The following CTBP2 variants were observed in gnomAD, a reference collection of about 807,000 sequenced individuals.
The protein encoded by CTBP2 is C-terminal-binding protein 2.
CTBP2 carries 30 observed loss-of-function variants against 80.3 expected under a neutral mutation model. That is an observed-to-expected ratio of 0.37 (90% CI 0.28 to 0.51). The LOEUF (loss-of-function observed/expected upper bound fraction) is 0.51, where lower values mean the gene tolerates loss of function less well. Among genes scored for constraint, CTBP2 ranks in the 20% least tolerant of loss-of-function variants. The pLI is 0.93. For missense variants in CTBP2, 1,212 were observed against 1,375.3 expected (o/e 0.88, Z 1.88); for synonymous variants, 594 against 587.4 (o/e 1.01, Z -0.16).
intron 1 of CTBP2, among the ~76,000 whole-genome samples, chr10:125,132,067 T>C (rs148495121): frequency 1.3e-5 from 2 of 152,318 alleles, no homozygotes; most frequent in East Asian, 1.9e-4. Context: ...CCCTGGATGA[T>C]CTGACCACTG....
chr10:125,061,753 G>A (rs558404024), intron 2 of CTBP2, among the ~76,000 whole-genome samples: 2 of 152,226 alleles, frequency 1.3e-5, no homozygotes, highest in Non-Finnish European at 2.9e-5. Context: ...GATGCACCTC[G>A]GTGAGGTGCC....
chr10:125,020,003 AG>A (rs1329395164), intron 1 of CTBP2, among the ~76,000 whole-genome samples: 1 of 152,192 alleles, frequency 6.6e-6, no homozygotes, highest in Non-Finnish European at 1.5e-5. Context: ...TGGACACTCA[AG>A]AGCAAAGGCC....
At chr10:125,080,320 G>A (rs1289689944) in intron 2 of CTBP2, among the ~76,000 whole-genome samples, 1 of 151,940 alleles carries the variant, frequency 6.6e-6, no homozygotes, top group Non-Finnish European at 1.5e-5. Context: ...CGTCAACCAA[G>A]ACATCTGTCA....
chr10:124,994,999 G>T (rs1953275462), intron 4 of CTBP2, among the ~76,000 whole-genome samples: 3 of 152,160 alleles, frequency 2.0e-5, no homozygotes, highest in African/African-American at 7.2e-5. Context: ...AAGCCCACAT[G>T]CCCCTCCCAT....
At chr10:125,030,473 G>A (rs1053807396), upstream of CTBP2, among the ~76,000 whole-genome samples, 1 of 152,228 alleles carries the variant, frequency 6.6e-6, no homozygotes, top group Non-Finnish European at 1.5e-5. Context: ...AGTTCCAGAA[G>A]AGCTGGGAAG....
intron 1 of CTBP2, among the ~76,000 whole-genome samples, chr10:125,129,256 C>T (rs1412952032): frequency 6.6e-6 from 1 of 152,036 alleles, no homozygotes; most frequent in Non-Finnish European, 1.5e-5. Context: ...CCTGGCAGGG[C>T]CCCAAGGGGA....
intron 1 of CTBP2, among the ~76,000 whole-genome samples, chr10:125,124,960 C>A (rs1854979826): frequency 6.6e-6 from 1 of 152,136 alleles, no homozygotes; most frequent in Non-Finnish European, 1.5e-5. Flanking sequence ...TCGCCCTCTG[C>A]CCCCTCCCTC....
chr10:125,026,241 C>A lies in CTBP2; in HGVS notation c.1519G>T (p.Gly507Cys), dbSNP rs377725462. The A allele has an allele frequency of 6.2e-7, 1 of 1,613,682 alleles. No individual in the cohort carries two copies. The highest frequency in any genetic ancestry group is 8.5e-7 in the Non-Finnish European group (1 of 1,179,958). Reference sequence around the variant, plus strand: ...GGCTTCCGCAAGACCTGGGGGCTGCCGTGAGGGCTGGGCAGCGGAGAGGCG... The same window carrying A: ...GGCTTCCGCAAGACCTGGGGGCTGCAGTGAGGGCTGGGCAGCGGAGAGGCG... Residue 507 changes from glycine (G) to cysteine (C), a missense_variant, in exon 1 of 9, where the codon GGC becomes TGC. This residue lies in a region of CTBP2 where 848 missense variants were observed against 782.3 expected (regional missense o/e 1.08). Transcript: ENST00000309035.
rs1449331634 is a variant in CTBP2 at position 125,066,475 on chromosome 10, C to T, written c.-101-27320G>A. Among the ~76,000 whole-genome samples the T allele has an allele frequency of 9.2e-5, 14 of 152,166 alleles. No homozygotes were observed. Among genetic ancestry groups the T allele is most frequent in the Non-Finnish European group, 1.9e-4 (13 of 68,032 alleles). ...GCAGATGTAACGGGGGAAGCAGGCA[C>T]GGCCAAGCACCCTAGAAAGTGCTGT... On this transcript the variant is annotated intron_variant, in intron 2 of 10. Coordinates refer to the CTBP2 transcript ENST00000337195. This position sits in a 1 kb window ranked among gnomAD's most constrained non-coding sequence, Gnocchi z 4.1.
At chr10:125,042,560 G>A (rs1169693244) in intron 2 of CTBP2, among the ~76,000 whole-genome samples, 2 of 152,234 alleles carry the variant, frequency 1.3e-5, no homozygotes, top group South Asian at 4.1e-4. Flanking sequence ...TGGGTGGAGG[G>A]AGTTCTAGAC....
intron 3 of CTBP2, among the ~76,000 whole-genome samples, chr10:125,002,138 G>A (rs1954607644): frequency 6.6e-6 from 1 of 152,146 alleles, no homozygotes; most frequent in Non-Finnish European, 1.5e-5. Flanking sequence ...TCATGAATTT[G>A]GGGCACCTCA....
upstream of CTBP2, among the ~76,000 whole-genome samples, chr10:125,030,529 G>A (rs1189690850): frequency 6.6e-6 from 1 of 152,228 alleles, no homozygotes; most frequent in Non-Finnish European, 1.5e-5. Context: ...CGACGGAGCA[G>A]TCTTTGGACA....
upstream of CTBP2, among the ~76,000 whole-genome samples, chr10:125,030,218 T>C (rs1958037315): frequency 2.0e-5 from 3 of 152,148 alleles, no homozygotes; most frequent in South Asian, 6.2e-4. Context: ...AATTCTCATG[T>C]TGACTAAAAG....
At chr10:125,162,339 G>C (rs1565085558), upstream of CTBP2, 1 of 152,154 alleles carries the variant, frequency 6.6e-6, no homozygotes, top group Non-Finnish European at 1.5e-5. Context: ...GCCAGGGCCA[G>C]GGGGCCGGAG....
chr10:125,005,534 C>G (rs1955123243), intron 1 of CTBP2: 1 of 1,603,744 alleles, frequency 6.2e-7, no homozygotes, highest in African/African-American at 1.3e-5. Flanking sequence ...GGCCAACACC[C>G]CCGTGTCCTC....
chr10:125,094,651 G>A (rs1053910043), intron 2 of CTBP2, among the ~76,000 whole-genome samples: 1 of 152,138 alleles, frequency 6.6e-6, no homozygotes, highest in Non-Finnish European at 1.5e-5. Context: ...GGGGTGGGGA[G>A]GGAGGCAACA....
intron 2 of CTBP2, among the ~76,000 whole-genome samples, chr10:125,089,296 A>G (rs1590691972): frequency 6.6e-6 from 1 of 152,226 alleles, no homozygotes; most frequent in African/African-American, 2.4e-5. Context: ...TGGAGATTCT[A>G]AAGTACCAGA....
chr10:125,122,184 GAACT>G (rs1169901317), intron 1 of CTBP2, among the ~76,000 whole-genome samples: 2 of 152,198 alleles, frequency 1.3e-5, no homozygotes, highest in African/African-American at 4.8e-5. Context: ...TGGGAATCCT[GAACT>G]AACTTACACA....
chr10:125,060,919 C>T (rs904710861), intron 2 of CTBP2, among the ~76,000 whole-genome samples: 12 of 152,222 alleles, frequency 7.9e-5, no homozygotes, highest in African/African-American at 2.9e-4. Flanking sequence ...GAGCAACATG[C>T]AGGGTGACAC....
Sources: allele counts gnomAD v4.1 joint callset (sites outside exome capture counted in the v4.1 genomes callset), GRCh38; gene constraint gnomAD v4.1.1; regional missense constraint gnomAD v4.1.1; non-coding constraint Gnocchi (gnomAD v3.1); transcripts MANE v1.5; gene names NCBI Gene and HGNC (gene_info 2026-07-23, HGNC 2026-07-21).